Variants in ZSCAN18 observed in about 807,000 individuals in gnomAD.
ZSCAN18 encodes the protein zinc finger and SCAN domain containing 18, also known as zinc finger and SCAN domain-containing protein 18.
ZSCAN18 carries 16 observed loss-of-function variants against 31.1 expected under a neutral mutation model. The observed-to-expected ratio is 0.51, with a 90% CI of 0.35 to 0.78. The LOEUF (loss-of-function observed/expected upper bound fraction) is 0.78. Among genes scored for constraint, ZSCAN18 ranks in the 30% least tolerant of loss-of-function variants. ZSCAN18 has a pLI of 0.01. For missense variants in ZSCAN18, 731 were observed against 697.4 expected (o/e 1.05, Z -0.54); for synonymous variants, 375 against 320.7 (o/e 1.17, Z -1.81).
intron 1 of ZSCAN18, among the ~76,000 whole-genome samples, chr19:58,112,960 A>AAAAAAAAC: frequency 6.6e-6 from 1 of 150,836 alleles, no homozygotes; most frequent in Non-Finnish European, 1.5e-5. Context: ...CAAAAAAAAA[A>AAAAAAAAC]AAAAAAAAAG....
chr19:58,117,768 GA>G (rs776656664), intron 1 of ZSCAN18, among the ~76,000 whole-genome samples: 92 of 139,674 alleles, frequency 6.6e-4, no homozygotes, highest in East Asian at 1.6e-3. Flanking sequence ...AGGGACAGGC[GA>G]AAAAAAAAAA....
chr19:58,117,907 T>C (rs2074744998), intron 1 of ZSCAN18, among the ~76,000 whole-genome samples: 1 of 151,104 alleles, frequency 6.6e-6, no homozygotes, highest in African/African-American at 2.4e-5. Flanking sequence ...AAATTCGGAG[T>C]TGGCACCGCA....
chr19:58,098,757 G>GAGCACTCGAGGCCTCCCAAAGTGATTC (rs1296865059), upstream of ZSCAN18, among the ~76,000 whole-genome samples: 2 of 152,220 alleles, frequency 1.3e-5, no homozygotes, highest in African/African-American at 4.8e-5. Context: ...CAGAGAAAAG[G>GAGCACTCGAGGCCTCCCAAAGTGATTC]AGCACTCGAG....
At position 58,086,774 on chromosome 19, in the gene ZSCAN18, A is replaced by G. The variant is rs567843577; in HGVS notation, c.745+132T>C. On this transcript the variant is annotated intron_variant, in intron 5 of 6. Coordinates refer to ENST00000601144, the MANE Select transcript of ZSCAN18 (RefSeq NM_001145543.2). ...CTTCAGCGAATAAATTCAAGCTCCA[A>G]CACGTGCAAGTTCAAATCCTGTAAG... The G allele has an allele frequency of 2.3e-4, 149 of 645,272 alleles. No individual in the cohort carries two copies. The African/African-American group carries it at 2.5e-3, about 11-fold the overall frequency. The allele number at this position is 645,272 out of a possible 1,614,324, so 40.0% of individuals were successfully genotyped here. A position where few individuals can be genotyped will look rare whatever the true frequency, so the allele number is the denominator to read the frequency against.
chr19:58,089,665 G>T (rs2074370382), intron 2 of ZSCAN18, among the ~76,000 whole-genome samples, 200 bp downstream of exon 2: 1 of 152,224 alleles, frequency 6.6e-6, no homozygotes, highest in Admixed American at 6.5e-5. Flanking sequence ...AAAAGAGGCT[G>T]GTCCCTTTCC....
At chr19:58,117,746 A>G (rs1600022255) in intron 1 of ZSCAN18, among the ~76,000 whole-genome samples, 11 of 137,822 alleles carry the variant, frequency 8.0e-5, no homozygotes, top group Admixed American at 1.4e-4. Context: ...AATATTGGGG[A>G]GGCTGAGGTT....
chr19:58,111,618 A>G (rs2554987), intron 1 of ZSCAN18, among the ~76,000 whole-genome samples: 115,747 of 151,846 alleles, frequency 0.76, 44,803 homozygotes, highest in Non-Finnish European at 0.85. Flanking sequence ...TCCCACCTTG[A>G]CCTCCCAAAG....
upstream of ZSCAN18, among the ~76,000 whole-genome samples, chr19:58,101,931 A>AT (rs1482725179): frequency 6.6e-6 from 1 of 151,798 alleles, no homozygotes; most frequent in Non-Finnish European, 1.5e-5. Context: ...TTTTTCTTTA[A>AT]TTAGGGTTGA....
chr19:58,110,047 T>A (rs1021633721), intron 1 of ZSCAN18, among the ~76,000 whole-genome samples: 1 of 152,144 alleles, frequency 6.6e-6, no homozygotes, highest in African/African-American at 2.4e-5. Flanking sequence ...GAAAATTTTT[T>A]AAAAATTATT....
At chr19:58,096,802 TACTC>T (rs1213050093) in intron 1 of ZSCAN18, among the ~76,000 whole-genome samples, 1 of 152,130 alleles carries the variant, frequency 6.6e-6, no homozygotes, top group Non-Finnish European at 1.5e-5. Flanking sequence ...ACAGATCACT[TACTC>T]ATTATAAAAA....
At chr19:58,096,384 G>A (rs2074520962) in intron 1 of ZSCAN18, among the ~76,000 whole-genome samples, 1 of 152,144 alleles carries the variant, frequency 6.6e-6, no homozygotes, top group Admixed American at 6.5e-5. Context: ...CTGGAGCCCA[G>A]CCCCCCAGCC....
Position 58,084,703 on chromosome 19 carries a change from G to A in ZSCAN18, c.1515C>T (p.Pro505=), listed in dbSNP as rs1186852623. 3 of 1,500,854 alleles carry A rather than the reference G, an allele frequency of 2.0e-6. No individual in the cohort carries two copies. Among genetic ancestry groups the A allele is most frequent in the South Asian group, 2.7e-5 (2 of 74,238 alleles). 93.0% of individuals were successfully genotyped at this position (1,500,854 alleles called of 1,614,324 possible). A position where few individuals can be genotyped will look rare whatever the true frequency, so the allele number is the denominator to read the frequency against. Residue 505 remains proline (P), a synonymous_variant, in exon 7 of 7, where the codon CCC becomes CCT. Coordinates refer to ENST00000601144, the MANE Select transcript of ZSCAN18 (RefSeq NM_001145543.2). The surrounding 1 kb of genome is among the most constrained non-coding windows in gnomAD (Gnocchi z 4.5). ...ESVEGEAPPA[P]PEAQR ...CAGCGGCTCACCTCTGCGCCTCTGG[G>A]GGTGCGGGGGGAGCCTCGCCCTCCA...
At position 58,087,362 on chromosome 19, in the gene ZSCAN18, A is replaced by C; in HGVS notation, c.596T>G (p.Val199Gly). The C allele has an allele frequency of 6.2e-7, 1 of 1,607,462 alleles. No individual in the cohort carries two copies. Among genetic ancestry groups the C allele is most frequent in the Non-Finnish European group, 8.5e-7 (1 of 1,177,026 alleles). The change falls in exon 4 of 7, where the codon GTC becomes GGC. Residue 199 changes from valine to glycine, a missense_variant. This residue lies in a region of ZSCAN18 where 597 missense variants were observed against 499.5 expected (regional missense o/e 1.20). Coordinates refer to ENST00000601144, the MANE Select transcript of ZSCAN18 (RefSeq NM_001145543.2). The stretch of plus-strand genomic sequence containing the variant: ...GTCCTCTTCGGTCTTTGCTTCTCTG[A>C]CCCTCCTCTGTTCCAGAAACAGGGG... ...PDPLFLEQRR[V>G]REAKTEEDGP... is the part of the protein sequence containing the mutation.
At chr19:58,098,307 C>T (rs190561886), upstream of ZSCAN18, 1 of 985,474 alleles carries the variant, frequency 1.0e-6, no homozygotes, top group Non-Finnish European at 1.2e-6. Flanking sequence ...CTGTGCCGCG[C>T]ACCGGGGCGA....
intron 1 of ZSCAN18, among the ~76,000 whole-genome samples, chr19:58,094,846 G>A (rs1275912620): frequency 8.4e-6 from 1 of 119,074 alleles, no homozygotes; most frequent in African/African-American, 3.3e-5. Context: ...ACACCACATT[G>A]CAGCCTGGGT....
At chr19:58,100,101 G>A (rs557780540), upstream of ZSCAN18, among the ~76,000 whole-genome samples, 2 of 151,200 alleles carry the variant, frequency 1.3e-5, no homozygotes, top group African/African-American at 4.9e-5. Context: ...TGGAACTACA[G>A]GTGTGCGCTA....
rs1190860388 is a variant in ZSCAN18, at chr19:58,098,197, G to A, written c.-143C>T. ...ACCTGCTGCGCAGCTACCCCAGGCC[G>A]GTCCCAGCCGCCCGGAGCCCCAGTG... On this transcript the variant is annotated 5_prime_UTR_variant, in exon 1 of 7. Transcript: ENST00000601144. 2.6e-5 allele frequency: 26 copies of A among 985,392 alleles called. No homozygotes were observed. Among genetic ancestry groups the A allele is most frequent in the Non-Finnish European group, 3.1e-5 (26 of 830,014 alleles). 61.0% of individuals were successfully genotyped at this position (985,392 alleles called of 1,614,324 possible). A position where few individuals can be genotyped will look rare whatever the true frequency, so the allele number is the denominator to read the frequency against.
intron 1 of ZSCAN18, among the ~76,000 whole-genome samples, chr19:58,097,284 G>C (rs2074536922): frequency 6.6e-6 from 1 of 152,100 alleles, no homozygotes. Context: ...AGCAGGGAAA[G>C]CCAGATAGTC....
At position 58,084,848 on chromosome 19, in the gene ZSCAN18, G is replaced by A. The variant is rs780530949; in HGVS notation, c.1370C>T (p.Ala457Val). The change falls in exon 7 of 7, where the codon GCC becomes GTC. Residue 457 changes from alanine to valine, a missense_variant. Coordinates refer to ENST00000601144, the MANE Select transcript of ZSCAN18 (RefSeq NM_001145543.2). This position sits in a 1 kb window ranked among gnomAD's most constrained non-coding sequence, Gnocchi z 4.5. Reference sequence around the variant, plus strand: ...CTTCTCGTGGGTCTTCTGGTGCTCGGCTAGGGCCAGGCTGAAGTGGAAGGT... The same window carrying A: ...CTTCTCGTGGGTCTTCTGGTGCTCGACTAGGGCCAGGCTGAAGTGGAAGGT... ...WKTFHFSLAL[A>V]EHQKTHEKEK... The A allele has an allele frequency of 3.1e-6, 5 of 1,599,686 alleles. No individual in the cohort carries two copies. The South Asian group carries it at 3.4e-5, about 11-fold the overall frequency.
Sources: allele counts gnomAD v4.1 joint callset (sites outside exome capture counted in the v4.1 genomes callset), GRCh38; gene constraint gnomAD v4.1.1; regional missense constraint gnomAD v4.1.1; non-coding constraint Gnocchi (gnomAD v3.1); transcripts MANE v1.5; gene names NCBI Gene and HGNC (gene_info 2026-07-23, HGNC 2026-07-21).